MYO7B: variants seen among roughly 807,000 people sequenced by gnomAD.
MYO7B encodes the protein myosin VIIB.
Under a neutral mutation model 259.7 loss-of-function variants are expected in MYO7B, and 212 were observed. That is an observed-to-expected ratio of 0.82 (90% CI 0.73 to 0.91). The LOEUF is 0.91. Among genes scored for constraint, MYO7B ranks in the 40% least tolerant of loss-of-function variants. MYO7B has a pLI of 0.00. For missense variants in MYO7B, 2,732 were observed against 2,813.5 expected, an observed-to-expected ratio of 0.97 and a Z score of 0.66; for synonymous variants, 1,197 against 1,166.4, an observed-to-expected ratio of 1.03 and a Z score of -0.54.
rs750275807 is a variant in MYO7B at position 127,607,202 on chromosome 2, G to A, written c.2425-4G>A. On this transcript the variant is annotated splice_polypyrimidine_tract_variant and splice_region_variant and intron_variant, in intron 20 of 47. Transcript: ENST00000409816. This position sits in a 1 kb window ranked among gnomAD's most constrained non-coding sequence, Gnocchi z 4.4. Reference sequence around the variant, plus strand: ...CTGATCTCACCTCTCTCTTGCCTCCGCAGATCCTCGTGGGCTTTGAGCGCC... The same window carrying A: ...CTGATCTCACCTCTCTCTTGCCTCCACAGATCCTCGTGGGCTTTGAGCGCC... 2.3e-5 allele frequency: 35 copies of A among 1,546,008 alleles called. No individual in the cohort carries two copies. Among genetic ancestry groups the A allele is most frequent in the South Asian group, 3.6e-5 (3 of 83,792 alleles).
In MYO7B at chr2:127,581,959, C is replaced by A; in HGVS notation, c.1149C>A (p.Thr383=). 1 of 1,613,952 alleles carries A rather than the reference C, an allele frequency of 6.2e-7. No individual in the cohort carries two copies. Among genetic ancestry groups the A allele is most frequent in the Non-Finnish European group, 8.5e-7 (1 of 1,179,886 alleles). Reference sequence around the variant, plus strand: ...TCCTCATCCGAGGGGAATTTGTCACCAGGTCCCTGAACATTGCCCAGGCTG... The same window carrying A: ...TCCTCATCCGAGGGGAATTTGTCACAAGGTCCCTGAACATTGCCCAGGCTG... ...HTILIRGEFV[T]RSLNIAQAAD... The change falls in exon 11 of 48, where the codon ACC becomes ACA. Residue 383 remains threonine (T), a synonymous_variant. Transcript: ENST00000409816.
rs1681609877 is a variant in MYO7B, at chr2:127,633,109, A to AGGACATGC, written c.5406-147_5406-140dup. ...CCGCGTGGAGCCAGGGGCAGCCCCC[A>AGGACATGC]GGACATGCGAGGGGCTGGAACCACC... On this transcript the variant is annotated intron_variant, in intron 39 of 47. Transcript: ENST00000409816. The AGGACATGC allele has an allele frequency of 1.1e-5, 7 of 627,340 alleles. No individual in the cohort carries two copies. The East Asian group carries it at 2.0e-4, about 18-fold the overall frequency. The allele number at this position is 627,340 out of a possible 1,614,324, so 38.9% of individuals were successfully genotyped here. A position where few individuals can be genotyped will look rare whatever the true frequency, so the allele number is the denominator to read the frequency against.
intron 19 of MYO7B, 47 bp downstream of exon 19, chr2:127,596,603 T>A: frequency 1.3e-6 from 2 of 1,482,974 alleles, no homozygotes; most frequent in Non-Finnish European, 1.9e-6. Flanking sequence ...CTGCCCACAG[T>A]GTCCCCACAC....
At chr2:127,545,156 A>G (rs889149841) in intron 1 of MYO7B, among the ~76,000 whole-genome samples, 2 of 152,224 alleles carry the variant, frequency 1.3e-5, no homozygotes, top group African/African-American at 4.8e-5. Flanking sequence ...TATTACCATC[A>G]ATGCCTGTAC....
intron 1 of MYO7B, among the ~76,000 whole-genome samples, chr2:127,549,409 G>T (rs796540255): frequency 6.6e-6 from 1 of 152,134 alleles, no homozygotes; most frequent in East Asian, 1.9e-4. Context: ...AAATGATCCC[G>T]TCACCCAGGT....
chr2:127,631,315 G>A lies in MYO7B; in HGVS notation c.5047G>A (p.Val1683Ile). The A allele has an allele frequency of 6.2e-7, 1 of 1,612,222 alleles. No individual in the cohort carries two copies. The highest frequency in any genetic ancestry group is 8.5e-7 in the Non-Finnish European group (1 of 1,179,264). ...EPLRQPLLKR[V>I]HANVDLWDIA... is the part of the protein sequence containing the mutation. ...GCTGCGACAGCCGCTGCTCAAGCGA[G>A]TCCACGCCAACGTCGACCTCTGGGA... Residue 1683 changes from valine (V) to isoleucine (I), a missense_variant, in exon 37 of 48, where the codon GTC (valine) becomes ATC (isoleucine). Val to Ile is a conservative substitution (Grantham distance 29, BLOSUM62 3). Coordinates refer to ENST00000409816, the MANE Select transcript of MYO7B (RefSeq NM_001393586.1).
chr2:127,539,806 G>A lies in MYO7B; in HGVS notation c.-24+3975G>A, dbSNP rs142745316. The stretch of plus-strand genomic sequence containing the variant: ...CACAGCAGTGTACACTGCACCCAAT[G>A]TGTAGTCTTTTGTTGCTCACCCAGC... On this transcript the variant is annotated intron_variant, in intron 1 of 47. Coordinates refer to ENST00000409816, the MANE Select transcript of MYO7B (RefSeq NM_001393586.1). This position sits in a 1 kb window ranked among gnomAD's most constrained non-coding sequence, Gnocchi z 4.0. Among the ~76,000 whole-genome samples the A allele has an allele frequency of 2.6e-5, 4 of 152,308 alleles. No homozygotes were observed. Among genetic ancestry groups the A allele is most frequent in the Middle Eastern group, 3.4e-3 (1 of 294 alleles).
chr2:127,566,391 T>A (rs541374611), intron 4 of MYO7B, among the ~76,000 whole-genome samples: 13 of 152,312 alleles, frequency 8.5e-5, no homozygotes, highest in African/African-American at 3.1e-4. Flanking sequence ...TACAAAACAG[T>A]TAACATTTGA....
intron 4 of MYO7B, among the ~76,000 whole-genome samples, chr2:127,566,016 TGC>T (rs1678324702): frequency 3.3e-5 from 5 of 152,270 alleles, no homozygotes; most frequent in Admixed American, 2.6e-4. Context: ...CCTTCTGGGC[TGC>T]TCAGAGGAAA....
intron 30 of MYO7B, 67 bp from the exon 31 acceptor site, chr2:127,625,301 G>A (rs2105095772): frequency 2.8e-6 from 4 of 1,438,068 alleles, no homozygotes; most frequent in Non-Finnish European, 3.7e-6. Context: ...CGGGACAGGG[G>A]CATCCTGGGG....
In MYO7B at chr2:127,584,312, G is replaced by C. The variant is rs371035844; in HGVS notation, c.1534G>C (p.Glu512Gln). ...KPMSIISLLDEESRFPQGTDL... is the reference protein window; with the variant it reads ...KPMSIISLLDQESRFPQGTDL... ...CATGAGCATCATCTCCCTCCTGGAC[G>C]AAGAAAGCCGCTTCCCGCAGGTGTG... Residue 512 changes from glutamate (E) to glutamine (Q), a missense_variant, in exon 13 of 48, where the codon GAA (glutamate) becomes CAA (glutamine). Transcript: ENST00000409816. The surrounding 1 kb of genome is among the most constrained non-coding windows in gnomAD (Gnocchi z 5.8). 13 of 1,613,930 alleles carry C rather than the reference G, an allele frequency of 8.1e-6. No homozygotes were observed. The highest frequency in any genetic ancestry group is 1.1e-5 in the Non-Finnish European group (13 of 1,179,866).
chr2:127,569,977 C>T, intron 6 of MYO7B, 67 bp downstream of exon 6: 1 of 1,533,230 alleles, frequency 6.5e-7, no homozygotes. Context: ...CAGGTAGGAC[C>T]ATGGGGAGGG....
intron 9 of MYO7B, among the ~76,000 whole-genome samples, chr2:127,580,359 C>T (rs757976234): frequency 2.9e-4 from 44 of 152,142 alleles, no homozygotes; most frequent in Non-Finnish European, 5.1e-4. Context: ...GAATAAATAA[C>T]GAAATGTCCG....
chr2:127,569,191 G>C (rs1678481401), intron 5 of MYO7B, among the ~76,000 whole-genome samples: 1 of 127,556 alleles, frequency 7.8e-6, no homozygotes, highest in Non-Finnish European at 1.5e-5. Context: ...CTGGGTGACA[G>C]AGTGAGACTC....
chr2:127,634,343 C>T, intron 41 of MYO7B, 54 bp downstream of exon 41: 1 of 1,353,794 alleles, frequency 7.4e-7, no homozygotes, highest in Non-Finnish European at 1.0e-6. Flanking sequence ...TGAGCGAGGC[C>T]CTAGGTGCTG....
chr2:127,576,769 C>T lies in MYO7B; in HGVS notation c.849+61C>T, dbSNP rs955379446. The T allele has an allele frequency of 1.0e-5, 13 of 1,243,458 alleles. No individual in the cohort carries two copies. Among genetic ancestry groups the T allele is most frequent in the African/African-American group, 6.0e-5 (4 of 66,652 alleles). 77.0% of individuals were successfully genotyped at this position (1,243,458 alleles called of 1,614,324 possible). The stretch of plus-strand genomic sequence containing the variant: ...GGAAGGGAGGAAAAAGAGCTTGTGC[C>T]GCTCCACCCTCCGCGACAGCTGCAG... On this transcript the variant is annotated intron_variant, in intron 8 of 47. Coordinates refer to ENST00000409816, the MANE Select transcript of MYO7B (RefSeq NM_001393586.1). The surrounding 1 kb of genome is among the most constrained non-coding windows in gnomAD (Gnocchi z 4.9).
intron 18 of MYO7B, among the ~76,000 whole-genome samples, chr2:127,594,813 G>T (rs1357958804): frequency 6.6e-6 from 1 of 152,146 alleles, no homozygotes; most frequent in Non-Finnish European, 1.5e-5. Context: ...TTGCATCCTG[G>T]GGATGAAGCC....
chr2:127,628,366 C>T lies in MYO7B; in HGVS notation c.4461-6C>T, dbSNP rs763795846. On this transcript the variant is annotated splice_polypyrimidine_tract_variant and splice_region_variant and intron_variant, in intron 33 of 47. Coordinates refer to ENST00000409816, the MANE Select transcript of MYO7B (RefSeq NM_001393586.1). The surrounding 1 kb of genome is among the most constrained non-coding windows in gnomAD (Gnocchi z 4.8). ...GGCTCCTGGTCACGCTGTCCTTCATCTCCAGGGAGGCCCAGGGCGGGCAGA... is the reference window on the plus strand; with the variant it reads ...GGCTCCTGGTCACGCTGTCCTTCATTTCCAGGGAGGCCCAGGGCGGGCAGA... The T allele has an allele frequency of 6.3e-6, 10 of 1,596,928 alleles. No homozygotes were observed. The highest frequency in any genetic ancestry group is 1.6e-4 in the Middle Eastern group (1 of 6,068).
intron 39 of MYO7B, among the ~76,000 whole-genome samples, chr2:127,632,928 C>T (rs1681598580): frequency 6.6e-6 from 1 of 152,212 alleles, no homozygotes; most frequent in South Asian, 2.1e-4. Flanking sequence ...AGAGGCCCTG[C>T]CAGAGTCCCT....
Sources: allele counts gnomAD v4.1 joint callset (sites outside exome capture counted in the v4.1 genomes callset), GRCh38; gene constraint gnomAD v4.1.1; non-coding constraint Gnocchi (gnomAD v3.1); transcripts MANE v1.5; gene names NCBI Gene and HGNC (gene_info 2026-07-23, HGNC 2026-07-21).